Variants in TMEM164 observed in about 807,000 individuals in gnomAD.
TMEM164 encodes transmembrane protein 164, also known as RP13-360B22.2.
A neutral mutation model predicts 18.8 loss-of-function variants in TMEM164; 4 were observed. The ratio of observed to expected loss-of-function variants is 0.21; its 90% CI spans 0.10 to 0.49. The LOEUF (loss-of-function observed/expected upper bound fraction) is 0.49. Among genes scored for constraint, TMEM164 ranks in the 20% least tolerant of loss-of-function variants. The probability of loss-of-function intolerance (pLI) is 0.98; values close to 1 mark genes in which losing one functional copy is unlikely to be tolerated. For missense variants in TMEM164, 108 were observed against 239.9 expected, an observed-to-expected ratio of 0.45 and a Z score of 3.63; for synonymous variants, 86 against 101.7, an observed-to-expected ratio of 0.85 and a Z score of 0.93.
rs550880156 is a variant in TMEM164 at position 110,130,287 on chromosome X, A to G, written c.508-14511A>G. Among the ~76,000 whole-genome samples, 37 of 112,128 alleles carry G rather than the reference A, an allele frequency of 3.3e-4. 1 individual carries two copies. In the South Asian group the frequency reaches 0.014, roughly 41 times the overall value. On this transcript the variant is annotated intron_variant, in intron 4 of 6. Coordinates refer to ENST00000372068, the MANE Select transcript of TMEM164 (RefSeq NM_032227.4). ...AAAGGGCCTCAGGGCACATGTAGGT[A>G]GTATAAGTCGGTGATTAAGAACATG... is the stretch of plus-strand genomic sequence containing the variant.
chrX:110,082,793 GT>G (rs999400339), intron 3 of TMEM164, among the ~76,000 whole-genome samples: 7 of 108,614 alleles, frequency 6.4e-5, no homozygotes, highest in Admixed American at 9.9e-5. Context: ...TTTTGTGTCA[GT>G]TTTTTTTTCT....
chrX:110,121,704 G>T (rs1485079855), intron 4 of TMEM164, among the ~76,000 whole-genome samples: 2 of 112,225 alleles, frequency 1.8e-5, no homozygotes, highest in Non-Finnish European at 3.8e-5. Context: ...TATGTACCTA[G>T]AAGTAGAATT....
intron 2 of TMEM164, among the ~76,000 whole-genome samples, chrX:110,018,407 C>T (rs1036977801): frequency 9.0e-5 from 10 of 111,665 alleles, no homozygotes; most frequent in African/African-American, 3.3e-4. Context: ...CCTCTCTGTG[C>T]CTCAGTCTTC....
intron 4 of TMEM164, among the ~76,000 whole-genome samples, chrX:110,126,359 TCA>T (rs982490540): frequency 1.8e-5 from 2 of 112,459 alleles, no homozygotes; most frequent in African/African-American, 3.2e-5. Context: ...ACCTCTGGAC[TCA>T]CAGCATCTCC....
chrX:110,050,011 A>G (rs954467666), intron 2 of TMEM164, among the ~76,000 whole-genome samples: 1 of 112,223 alleles, frequency 8.9e-6, no homozygotes, highest in Non-Finnish European at 1.9e-5. Context: ...GGCCAATGTA[A>G]TGAATAATAA....
Position 110,037,359 on chromosome X carries a change from G to A in TMEM164, c.391-29988G>A, listed in dbSNP as rs776514585. On this transcript the variant is annotated intron_variant, in intron 2 of 6. Coordinates refer to ENST00000372068, the MANE Select transcript of TMEM164 (RefSeq NM_032227.4). ...TGTTGCAAGGTCACCTTTGCCAGGC[G>A]TATGAAGCTGCTGGGAAAGGATGTG... Among the ~76,000 whole-genome samples, 11 of 112,013 alleles carry A rather than the reference G, an allele frequency of 9.8e-5. 1 individual carries two copies. Among genetic ancestry groups the A allele is most frequent in the South Asian group, 7.4e-4 (2 of 2,697 alleles).
At chrX:110,045,438 C>G (rs1935278138) in intron 2 of TMEM164, among the ~76,000 whole-genome samples, 1 of 111,843 alleles carries the variant, frequency 8.9e-6, no homozygotes, top group Admixed American at 9.4e-5. Flanking sequence ...AAATTACATG[C>G]TAAGGATCAG....
chrX:110,173,589 T>G lies in TMEM164; in HGVS notation c.*138T>G. The G allele has an allele frequency of 1.9e-6, 1 of 523,526 alleles. No homozygotes were observed. Among genetic ancestry groups the G allele is most frequent in the Non-Finnish European group, 3.1e-6 (1 of 326,530 alleles). The allele number at this position is 523,526 out of a possible 1,213,427, so 43.1% of individuals were successfully genotyped here. Reference sequence around the variant, plus strand: ...TTTCTTTTTCCTCCTTTCTGTCCCTTTCTTCTACCACTCTTCCTTTCCCAG... The same window carrying G: ...TTTCTTTTTCCTCCTTTCTGTCCCTGTCTTCTACCACTCTTCCTTTCCCAG... On this transcript the variant is annotated 3_prime_UTR_variant, in exon 7 of 7. Coordinates refer to ENST00000372068, the MANE Select transcript of TMEM164 (RefSeq NM_032227.4).
intron 5 of TMEM164, among the ~76,000 whole-genome samples, chrX:110,167,191 G>A (rs1006144789): frequency 6.3e-5 from 7 of 111,592 alleles, no homozygotes; most frequent in African/African-American, 2.0e-4. Context: ...GATAGCTGTC[G>A]TATATACTTT....
chrX:110,075,774 T>A lies in TMEM164; in HGVS notation c.440+8378T>A, dbSNP rs188420355. On this transcript the variant is annotated intron_variant, in intron 3 of 6. Transcript: ENST00000372068. ...GTCGAATCACATTTATTGATTTGCATATGTTGAACCAACTTTGCATCCCAG... is the reference window on the plus strand; with the variant it reads ...GTCGAATCACATTTATTGATTTGCAAATGTTGAACCAACTTTGCATCCCAG... Among the ~76,000 whole-genome samples the A allele has an allele frequency of 1.5e-3, 174 of 112,316 alleles. 1 individual carries two copies. Among genetic ancestry groups the A allele is most frequent in the African/African-American group, 5.4e-3 (169 of 31,010 alleles).
intron 5 of TMEM164, among the ~76,000 whole-genome samples, chrX:110,171,098 A>G (rs2067224633): frequency 8.9e-6 from 1 of 112,582 alleles, no homozygotes; most frequent in Non-Finnish European, 1.9e-5. Context: ...AAGAAAGAAA[A>G]GAAAATCCTG....
At chrX:110,036,551 G>C (rs1934811928) in intron 2 of TMEM164, among the ~76,000 whole-genome samples, 1 of 112,334 alleles carries the variant, frequency 8.9e-6, no homozygotes, top group Non-Finnish European at 1.9e-5. Context: ...ATGTTGAAAG[G>C]TGCCTAAGGT....
chrX:110,005,858 T>A (rs1027644739), intron 2 of TMEM164, among the ~76,000 whole-genome samples: 6 of 111,486 alleles, frequency 5.4e-5, no homozygotes, highest in Admixed American at 9.5e-5. Flanking sequence ...AAAGGGTGCA[T>A]CTTCTACAAA....
chrX:110,115,209 C>T (rs979160291), intron 4 of TMEM164, among the ~76,000 whole-genome samples: 1 of 112,128 alleles, frequency 8.9e-6, no homozygotes, highest in South Asian at 3.7e-4. Flanking sequence ...TGCTAATTGG[C>T]ACATCGAAAT....
chrX:110,133,496 C>T (rs1039470699), intron 4 of TMEM164, among the ~76,000 whole-genome samples: 5 of 111,809 alleles, frequency 4.5e-5, no homozygotes, highest in Non-Finnish European at 9.4e-5. Context: ...GGATTAGGAC[C>T]CACCCATATG....
At chrX:110,052,759 T>C (rs1935621478) in intron 2 of TMEM164, among the ~76,000 whole-genome samples, 1 of 99,205 alleles carries the variant, frequency 1.0e-5, no homozygotes. Flanking sequence ...TTTTTTTTTT[T>C]TTTTTTTTTG....
At chrX:110,149,985 G>A (rs2066917748) in intron 5 of TMEM164, among the ~76,000 whole-genome samples, 2 of 111,789 alleles carry the variant, frequency 1.8e-5, no homozygotes, top group Admixed American at 1.9e-4. Context: ...GCCCTGATAA[G>A]CAAAAATCAG....
At position 110,021,560 on chromosome X, in the gene TMEM164, G is replaced by T. The variant is rs539071880; in HGVS notation, c.390+17396G>T. Among the ~76,000 whole-genome samples the T allele has an allele frequency of 6.3e-5, 7 of 111,585 alleles. No individual in the cohort carries two copies. The South Asian group carries it at 2.6e-3, about 42-fold the overall frequency. On this transcript the variant is annotated intron_variant, in intron 2 of 6. Coordinates refer to ENST00000372068, the MANE Select transcript of TMEM164 (RefSeq NM_032227.4). ...GTGTCAGACAGTCAGATTCAGTGCT[G>T]AGCTGCAGAGGGAGAAGGAAGGGGA...
intron 4 of TMEM164, among the ~76,000 whole-genome samples, chrX:110,120,247 T>TA (rs2066430232): frequency 8.9e-6 from 1 of 112,066 alleles, no homozygotes; most frequent in Non-Finnish European, 1.9e-5. Context: ...CCTGTCTTCC[T>TA]AAAATCACAT....
Sources: allele counts gnomAD v4.1 joint callset (sites outside exome capture counted in the v4.1 genomes callset), GRCh38; gene constraint gnomAD v4.1.1; transcripts MANE v1.5; gene names NCBI Gene and HGNC (gene_info 2026-07-23, HGNC 2026-07-21).